TLCD2: variants seen among roughly 807,000 people sequenced by gnomAD.
The protein encoded by TLCD2 is TLC domain containing 2.
Under a neutral mutation model 14.0 loss-of-function variants are expected in TLCD2, and 12 were observed. The ratio of observed to expected loss-of-function variants is 0.86; its 90% confidence interval spans 0.55 to 1.39. The LOEUF is 1.39. Among genes scored for constraint, TLCD2 ranks in the 40% most tolerant of loss-of-function variants. The pLI is 0.00. For missense variants in TLCD2, 360 were observed against 346.8 expected (o/e 1.04, Z -0.30); for synonymous variants, 166 against 156.5 (o/e 1.06, Z -0.45).
rs1385850846 is a variant in TLCD2 at position 1,707,872 on chromosome 17, G to C, written c.693C>G (p.Pro231=). 1.3e-6 allele frequency: 2 copies of C among 1,537,122 alleles called. No individual in the cohort carries two copies. Among genetic ancestry groups the C allele is most frequent in the Non-Finnish European group, 1.7e-6 (2 of 1,146,906 alleles). The change falls in exon 4 of 4, where the codon CCC becomes CCG. Residue 231 remains proline (P), a synonymous_variant. Coordinates refer to ENST00000330676, the MANE Select transcript of TLCD2 (RefSeq NM_001164407.2). The part of the protein sequence containing the change: ...ILVNDVLQSR[P]HPPSPGHEKT... ...TCTCATGGCCAGGGCTGGGTGGATGGGGTCGAGACTGTAGGACATCATTGA... is the reference window on the plus strand; with the variant it reads ...TCTCATGGCCAGGGCTGGGTGGATGCGGTCGAGACTGTAGGACATCATTGA...
rs1002664755 is a variant in TLCD2, at chr17:1,709,779, G to A, written c.259+25C>T. 3.9e-6 allele frequency: 5 copies of A among 1,286,248 alleles called. No homozygotes were observed. In the African/African-American group the frequency reaches 4.4e-5, roughly 11 times the overall value. The allele number at this position is 1,286,248 out of a possible 1,614,324, so 79.7% of individuals were successfully genotyped here. A position where few individuals can be genotyped will look rare whatever the true frequency, so the allele number is the denominator to read the frequency against. On this transcript the variant is annotated intron_variant, in intron 2 of 3. Coordinates refer to ENST00000330676, the MANE Select transcript of TLCD2 (RefSeq NM_001164407.2). ...TGCCCCCCGCCCCATCCCCACCACC[G>A]GCCCAGCCTTCCCTGCAGACTCACC...
Position 1,707,624 on chromosome 17 carries a change from G to C in TLCD2, c.*146C>G. 2 of 636,430 alleles carry C rather than the reference G, an allele frequency of 3.1e-6. No homozygotes were observed. The highest frequency in any genetic ancestry group is 2.5e-6 in the Non-Finnish European group (1 of 393,480). The allele number at this position is 636,430 out of a possible 1,614,324, so 39.4% of individuals were successfully genotyped here. On this transcript the variant is annotated 3_prime_UTR_variant, in exon 4 of 4. Coordinates refer to ENST00000330676, the MANE Select transcript of TLCD2 (RefSeq NM_001164407.2). ...AGCATTTCTTCTTAGATCCGAGGAAGGGGAAGGGATGTGAGTTAGCTGGAA... is the reference window on the plus strand; with the variant it reads ...AGCATTTCTTCTTAGATCCGAGGAACGGGAAGGGATGTGAGTTAGCTGGAA...
In TLCD2 at chr17:1,704,655, T is replaced by C. The variant is rs1913974734; in HGVS notation, c.*3115A>G. The C allele has an allele frequency of 1.3e-5, 2 of 151,958 alleles. No individual in the cohort carries two copies. Among genetic ancestry groups the C allele is most frequent in the Non-Finnish European group, 2.9e-5 (2 of 68,016 alleles). 9.4% of individuals were successfully genotyped at this position (151,958 alleles called of 1,614,324 possible). On this transcript the variant is annotated 3_prime_UTR_variant, in exon 4 of 4. Transcript: ENST00000330676. ...CATTTTTTTTTCACACCTGTATTTT[T>C]CCTCCTCTTTTCATTTCTGGGTTCC... is the stretch of plus-strand genomic sequence containing the variant.
intron 3 of TLCD2, among the ~76,000 whole-genome samples, chr17:1,708,705 G>A (rs974522662): frequency 1.3e-5 from 2 of 151,982 alleles, no homozygotes; most frequent in Non-Finnish European, 2.9e-5. Context: ...GGATGGTCTC[G>A]ATCTCCTGAC....
At position 1,707,774 on chromosome 17, in the gene TLCD2, T is replaced by C; in HGVS notation, c.791A>G (p.Asp264Gly). 1 of 1,487,528 alleles carries C rather than the reference T, an allele frequency of 6.7e-7. No individual in the cohort carries two copies. Among genetic ancestry groups the C allele is most frequent in the Non-Finnish European group, 8.9e-7 (1 of 1,120,126 alleles). 92.1% of individuals were successfully genotyped at this position (1,487,528 alleles called of 1,614,324 possible). Residue 264 changes from aspartate to glycine, a missense_variant, in exon 4 of 4, where the codon GAC becomes GGC. Transcript: ENST00000330676. The part of the protein sequence containing the change: ...TSNSSTLSLK[D>G] ...CGAGGGGCCCATGGCTTCTCTCTAG[T>C]CTTTCAGGCTGAGAGTCGAACTGTT...
At position 1,708,129 on chromosome 17, in the gene TLCD2, G is replaced by A; in HGVS notation, c.436C>T (p.His146Tyr). The A allele has an allele frequency of 3.3e-6, 5 of 1,536,910 alleles. No homozygotes were observed. Among genetic ancestry groups the A allele is most frequent in the Non-Finnish European group, 4.4e-6 (5 of 1,146,868 alleles). ...LLLELNSACL[H>Y]LRKLLLLSRQ... is the part of the protein sequence containing the mutation. Reference sequence around the variant, plus strand: ...GAAAGCAACAGCAGCTTCCGCAGGTGCAAGCAGGCAGAGTTCAGTTCCAGG... The same window carrying A: ...GAAAGCAACAGCAGCTTCCGCAGGTACAAGCAGGCAGAGTTCAGTTCCAGG... The change falls in exon 4 of 4, where the codon CAC becomes TAC. Residue 146 changes from histidine (H) to tyrosine (Y), a missense_variant. By Grantham distance (83) the His-to-Tyr change is moderately conservative. Coordinates refer to ENST00000330676, the MANE Select transcript of TLCD2 (RefSeq NM_001164407.2).
At position 1,702,902 on chromosome 17, in the gene TLCD2, T is replaced by G. The variant is rs1209941705; in HGVS notation, c.*4868A>C. 6.6e-6 allele frequency: 1 copy of G among 152,196 alleles called. No homozygotes were observed. Among genetic ancestry groups the G allele is most frequent in the Non-Finnish European group, 1.5e-5 (1 of 68,038 alleles). 9.4% of individuals were successfully genotyped at this position (152,196 alleles called of 1,614,324 possible). On this transcript the variant is annotated 3_prime_UTR_variant, in exon 4 of 4. Transcript: ENST00000330676. Reference sequence around the variant, plus strand: ...AATGTATCCCATCCAGAAAAGCCCCTTCCCTGTCCTGGAGGACAAAGAAAT... The same window carrying G: ...AATGTATCCCATCCAGAAAAGCCCCGTCCCTGTCCTGGAGGACAAAGAAAT...
chr17:1,704,350 G>C lies in TLCD2; in HGVS notation c.*3420C>G, dbSNP rs1025626412. On this transcript the variant is annotated 3_prime_UTR_variant, in exon 4 of 4. Transcript: ENST00000330676. The stretch of plus-strand genomic sequence containing the variant: ...TGAGCTCAACCACTCCTCCTACCTC[G>C]GCCTCCCAAAGTGCTGGGATTACAG... 13 of 150,396 alleles carry C rather than the reference G, an allele frequency of 8.6e-5. No homozygotes were observed. The highest frequency in any genetic ancestry group is 3.2e-4 in the African/African-American group (13 of 40,932). 9.3% of individuals were successfully genotyped at this position (150,396 alleles called of 1,614,324 possible).
intron 3 of TLCD2, 45 bp downstream of exon 3, chr17:1,709,454 C>T (rs1203000839): frequency 2.2e-6 from 3 of 1,339,856 alleles, no homozygotes; most frequent in Non-Finnish European, 3.1e-6. Context: ...CTGGACAGGG[C>T]TCCCCTCCTC....
At chr17:1,708,936 CTTGTATGG>C in intron 3 of TLCD2, among the ~76,000 whole-genome samples, 1 of 152,010 alleles carries the variant, frequency 6.6e-6, no homozygotes, top group South Asian at 2.1e-4. Flanking sequence ...GGTGGGTGCC[CTTGTATGG>C]TGAGTGCCCT....
At position 1,709,577 on chromosome 17, in the gene TLCD2, G is replaced by C; in HGVS notation, c.264C>G (p.Tyr88Ter). ...ALVLVAVSVG[Y>*]FLADGADLLW... ...GCAGGTCAGCTCCGTCTGCCAGGAA[G>C]TAACCTGTGGGCATGGGGGTAGGGG... Residue 88 changes from tyrosine (Y) to a stop codon, truncating the protein, a stop_gained, in exon 3 of 4, where the codon TAC becomes TAG. Coordinates refer to ENST00000330676, the MANE Select transcript of TLCD2 (RefSeq NM_001164407.2). LOFTEE classifies it high-confidence loss of function. 2.0e-6 allele frequency: 3 copies of C among 1,537,124 alleles called. No homozygotes were observed. The highest frequency in any genetic ancestry group is 2.6e-6 in the Non-Finnish European group (3 of 1,146,884).
rs908781009 is a variant in TLCD2, at chr17:1,710,309, G to A, written c.-67C>T. 28 of 1,363,402 alleles carry A rather than the reference G, an allele frequency of 2.1e-5. No individual in the cohort carries two copies. Among genetic ancestry groups the A allele is most frequent in the Middle Eastern group, 2.7e-4 (1 of 3,766 alleles). The allele number at this position is 1,363,402 out of a possible 1,614,324, so 84.5% of individuals were successfully genotyped here. On this transcript the variant is annotated 5_prime_UTR_variant, in exon 1 of 4. Coordinates refer to ENST00000330676, the MANE Select transcript of TLCD2 (RefSeq NM_001164407.2). The surrounding 1 kb of genome is among the most constrained non-coding windows in gnomAD (Gnocchi z 6.1). Reference sequence around the variant, plus strand: ...CCTCGGCGCCCGCGCTCTCGGCCGGGACTGGGAACCCGTTTCCCGGCAGGG... The same window carrying A: ...CCTCGGCGCCCGCGCTCTCGGCCGGAACTGGGAACCCGTTTCCCGGCAGGG...
Position 1,710,284 on chromosome 17 carries a change from C to T in TLCD2, c.-42G>A, listed in dbSNP as rs1406861298. ...GGTTGCGGGGAGTCCGGGTCGGTCC[C>T]CTCGGCGCCCGCGCTCTCGGCCGGG... On this transcript the variant is annotated 5_prime_UTR_variant, in exon 1 of 4. Transcript: ENST00000330676. This position sits in a 1 kb window ranked among gnomAD's most constrained non-coding sequence, Gnocchi z 6.1. The T allele has an allele frequency of 1.8e-5, 25 of 1,424,534 alleles. No individual in the cohort carries two copies. Among genetic ancestry groups the T allele is most frequent in the Middle Eastern group, 2.5e-4 (1 of 3,936 alleles). The allele number at this position is 1,424,534 out of a possible 1,614,324, so 88.2% of individuals were successfully genotyped here. A position where few individuals can be genotyped will look rare whatever the true frequency, so the allele number is the denominator to read the frequency against.
rs779701763 is a variant in TLCD2, at chr17:1,707,887, G to A, written c.678C>T (p.Val226=). ...TGGGTGGATGGGGTCGAGACTGTAGGACATCATTGACCAGAATACGGATCC... is the reference window on the plus strand; with the variant it reads ...TGGGTGGATGGGGTCGAGACTGTAGAACATCATTGACCAGAATACGGATCC... The part of the protein sequence containing the change: ...ILGIRILVND[V]LQSRPHPPSP... The change falls in exon 4 of 4, where the codon GTC becomes GTT. Residue 226 remains valine, a synonymous_variant. Transcript: ENST00000330676. 2.7e-5 allele frequency: 42 copies of A among 1,537,156 alleles called. No homozygotes were observed. The highest frequency in any genetic ancestry group is 3.5e-5 in the Non-Finnish European group (40 of 1,146,930).
rs1264176231 is a variant in TLCD2, at chr17:1,710,328, G to C, written c.-86C>G. ...GGCCGGGACTGGGAACCCGTTTCCCGGCAGGGCTGGGGCCCCGGCTCCCCT... is the reference window on the plus strand; with the variant it reads ...GGCCGGGACTGGGAACCCGTTTCCCCGCAGGGCTGGGGCCCCGGCTCCCCT... On this transcript the variant is annotated 5_prime_UTR_variant, in exon 1 of 4. Transcript: ENST00000330676. This position sits in a 1 kb window ranked among gnomAD's most constrained non-coding sequence, Gnocchi z 6.1. 1.6e-6 allele frequency: 2 copies of C among 1,276,150 alleles called. No individual in the cohort carries two copies. Among genetic ancestry groups the C allele is most frequent in the Non-Finnish European group, 1.0e-6 (1 of 976,504 alleles). The allele number at this position is 1,276,150 out of a possible 1,614,324, so 79.1% of individuals were successfully genotyped here. A position where few individuals can be genotyped will look rare whatever the true frequency, so the allele number is the denominator to read the frequency against.
chr17:1,708,539 T>G (rs1176757617), intron 3 of TLCD2, among the ~76,000 whole-genome samples: 2 of 135,822 alleles, frequency 1.5e-5, no homozygotes, highest in African/African-American at 5.6e-5. Context: ...CAGGCTGGAG[T>G]GCAGTGGTGT....
chr17:1,707,553 A>G lies in TLCD2; in HGVS notation c.*217T>C, dbSNP rs892384927. On this transcript the variant is annotated 3_prime_UTR_variant, in exon 4 of 4. Coordinates refer to ENST00000330676, the MANE Select transcript of TLCD2 (RefSeq NM_001164407.2). The stretch of plus-strand genomic sequence containing the variant: ...TGCTGGAAAGGATGCTCATCTGATG[A>G]CGGATTTCAGTGAACAGAAACCCAG... 3 of 500,764 alleles carry G rather than the reference A, an allele frequency of 6.0e-6. No individual in the cohort carries two copies. The highest frequency in any genetic ancestry group is 1.0e-5 in the Non-Finnish European group (3 of 286,900). The allele number at this position is 500,764 out of a possible 1,614,324, so 31.0% of individuals were successfully genotyped here.
chr17:1,706,297 C>T lies in TLCD2; in HGVS notation c.*1473G>A, dbSNP rs1914030089. ...CCAGAGGGCCAGCTATTCCTTTATC[C>T]TCCTGCAGCCTTCTCTCACACAGTC... is the stretch of plus-strand genomic sequence containing the variant. On this transcript the variant is annotated 3_prime_UTR_variant, in exon 4 of 4. Coordinates refer to ENST00000330676, the MANE Select transcript of TLCD2 (RefSeq NM_001164407.2). The T allele has an allele frequency of 6.6e-6, 1 of 152,218 alleles. No homozygotes were observed. The highest frequency in any genetic ancestry group is 1.9e-4 in the East Asian group (1 of 5,178). The allele number at this position is 152,218 out of a possible 1,614,324, so 9.4% of individuals were successfully genotyped here.
In TLCD2 at chr17:1,707,158, T is replaced by C. The variant is rs1914059102; in HGVS notation, c.*612A>G. 6.6e-6 allele frequency: 1 copy of C among 151,396 alleles called. No individual in the cohort carries two copies. Among genetic ancestry groups the C allele is most frequent in the Non-Finnish European group, 1.5e-5 (1 of 67,970 alleles). The allele number at this position is 151,396 out of a possible 1,614,324, so 9.4% of individuals were successfully genotyped here. A position where few individuals can be genotyped will look rare whatever the true frequency, so the allele number is the denominator to read the frequency against. On this transcript the variant is annotated 3_prime_UTR_variant, in exon 4 of 4. Coordinates refer to ENST00000330676, the MANE Select transcript of TLCD2 (RefSeq NM_001164407.2). ...CTCCAGCCTGGGTGACAGAGTAAGA[T>C]TCCGTCTCATAAAAAAAAAGAAAAA...
Sources: gnomAD v4.1 joint callset for allele counts (sites outside exome capture counted in the v4.1 genomes callset) on GRCh38, gnomAD v4.1.1 for gene constraint, Gnocchi (gnomAD v3.1) non-coding constraint, MANE v1.5 for transcripts, NCBI Gene and HGNC (gene_info 2026-07-23, HGNC 2026-07-21) for gene names.